Variants in G2E3 observed in about 807,000 individuals in gnomAD.
The protein encoded by G2E3 is G2/M phase-specific E3 ubiquitin-protein ligase.
Under a neutral mutation model 92.8 loss-of-function variants are expected in G2E3, and 35 were observed. The ratio of observed to expected loss-of-function variants is 0.38; its 90% CI spans 0.29 to 0.50. The LOEUF is 0.50. Ranked by LOEUF, G2E3 falls within the 20% of genes least tolerant of loss-of-function variation. G2E3 has a pLI of 0.94. For missense variants in G2E3, 554 were observed against 823.8 expected, an observed-to-expected ratio of 0.67 and a Z score of 4.01; for synonymous variants, 242 against 272.4, an observed-to-expected ratio of 0.89 and a Z score of 1.10.
At chr14:30,593,343 G>A (rs545708497) in intron 5 of G2E3, 131 bp from the exon 6 acceptor site, 2 of 544,602 alleles carry the variant, frequency 3.7e-6, no homozygotes, top group Admixed American at 3.8e-5. Context: ...TTAGTGCCAA[G>A]GCTCCAGTCT....
In G2E3 at chr14:30,605,539, C is replaced by G; in HGVS notation, c.1045C>G (p.Leu349Val). 1 of 1,437,628 alleles carries G rather than the reference C, an allele frequency of 7.0e-7. No homozygotes were observed. The highest frequency in any genetic ancestry group is 1.2e-5 in the South Asian group (1 of 80,846). The allele number at this position is 1,437,628 out of a possible 1,614,324, so 89.1% of individuals were successfully genotyped here. A position where few individuals can be genotyped will look rare whatever the true frequency, so the allele number is the denominator to read the frequency against. The part of the protein sequence containing the change: ...GSKFRRNVST[L>V]LIELGFQIKK... ...CAAATTTAGAAGAAATGTATCAACA[C>G]TATTAATAGAGTTAGGATTCCAAAT... The change falls in exon 11 of 15, where the codon CTA (leucine) becomes GTA (valine). Residue 349 changes from leucine to valine, a missense_variant. By Grantham distance (32) the Leu-to-Val change is conservative (BLOSUM62 1). Around this residue, in one of 3 missense-constraint regions of G2E3, gnomAD observed 397 missense variants for 560.3 expected, o/e 0.71. Transcript: ENST00000206595.
At chr14:30,597,942 T>A (rs1453250969) in intron 7 of G2E3, among the ~76,000 whole-genome samples, 1 of 152,270 alleles carries the variant, frequency 6.6e-6, no homozygotes, top group African/African-American at 2.4e-5. Context: ...AAATGTGTTA[T>A]AAAAAATTTC....
At chr14:30,607,852 G>A in intron 11 of G2E3, 36 bp from the exon 12 acceptor site, 1 of 1,092,356 alleles carries the variant, frequency 9.2e-7, no homozygotes, top group Admixed American at 2.3e-5. Flanking sequence ...TATAATAATA[G>A]AAGTGTATTT....
rs548151985 is a variant in G2E3 at position 30,605,680 on chromosome 14, A to G, written c.1186A>G (p.Ile396Val). 1.3e-4 allele frequency: 208 copies of G among 1,609,694 alleles called. No homozygotes were observed. In the South Asian group the frequency reaches 2.2e-3, roughly 17 times the overall value. Residue 396 changes from isoleucine to valine, a missense_variant, in exon 11 of 15, where the codon ATT becomes GTT. Ile to Val is a conservative substitution (Grantham distance 29). Around this residue, in one of 3 missense-constraint regions of G2E3, gnomAD observed 397 missense variants for 560.3 expected, o/e 0.71. Coordinates refer to ENST00000206595, the MANE Select transcript of G2E3 (RefSeq NM_017769.5). ...PSYAIEVAYVIENDNFGSEHP... is the reference protein window; with the variant it reads ...PSYAIEVAYVVENDNFGSEHP... ...ATATGCAATTGAAGTAGCATATGTTATTGAAAATGATAATTTTGGAAGTGA... is the reference window on the plus strand; with the variant it reads ...ATATGCAATTGAAGTAGCATATGTTGTTGAAAATGATAATTTTGGAAGTGA...
chr14:30,615,408 C>A lies in G2E3; in HGVS notation c.1733C>A (p.Ala578Glu), dbSNP rs745437632. 2.5e-6 allele frequency: 4 copies of A among 1,609,300 alleles called. No homozygotes were observed. The Admixed American group carries it at 6.7e-5, about 27-fold the overall frequency. The part of the protein sequence containing the change: ...VLEKIQAYPE[A>E]FCSILCHKPE... The stretch of plus-strand genomic sequence containing the variant: ...GAGAAAATTCAGGCTTATCCAGAAG[C>A]ATTTTGTAGCATCCTGTGTCATAAA... Residue 578 changes from alanine to glutamate, a missense_variant, in exon 14 of 15, where the codon GCA becomes GAA. Around this residue, in one of 3 missense-constraint regions of G2E3, gnomAD observed 397 missense variants for 560.3 expected, o/e 0.71. Transcript: ENST00000206595.
In G2E3 at chr14:30,587,417, G is replaced by T. The variant is rs369374564; in HGVS notation, c.135+602G>T. On this transcript the variant is annotated intron_variant, in intron 3 of 14. Transcript: ENST00000206595. ...TAGTGGCACATTACCACCTTAGCATGCCAGGCTTGCATTAGTACATACAGT... is the reference window on the plus strand; with the variant it reads ...TAGTGGCACATTACCACCTTAGCATTCCAGGCTTGCATTAGTACATACAGT... Among the ~76,000 whole-genome samples, 8 of 152,074 alleles carry T rather than the reference G, an allele frequency of 5.3e-5. No individual in the cohort carries two copies. In the South Asian group the frequency reaches 1.7e-3, roughly 32 times the overall value.
intron 3 of G2E3, among the ~76,000 whole-genome samples, chr14:30,588,700 T>G (rs1213264890): frequency 6.6e-6 from 1 of 152,176 alleles, no homozygotes; most frequent in Non-Finnish European, 1.5e-5. Flanking sequence ...GTTTGAGACA[T>G]TAATACTTGC....
At chr14:30,576,185 A>C (rs1880077386) in intron 1 of G2E3, among the ~76,000 whole-genome samples, 1 of 152,218 alleles carries the variant, frequency 6.6e-6, no homozygotes, top group Non-Finnish European at 1.5e-5. Flanking sequence ...AGACCAGTGG[A>C]ACAGAATACA....
intron 13 of G2E3, among the ~76,000 whole-genome samples, chr14:30,614,460 C>G (rs1882226053): frequency 6.6e-6 from 1 of 152,188 alleles, no homozygotes; most frequent in Non-Finnish European, 1.5e-5. Context: ...CGAAATCAGG[C>G]TGAACTTACC....
rs1566517825 is a variant in G2E3 at position 30,559,225 on chromosome 14, C to G, written c.-52C>G. The G allele has an allele frequency of 6.6e-6, 1 of 152,526 alleles. No individual in the cohort carries two copies. 9.4% of individuals were successfully genotyped at this position (152,526 alleles called of 1,614,324 possible). On this transcript the variant is annotated 5_prime_UTR_variant, in exon 1 of 15. Coordinates refer to ENST00000206595, the MANE Select transcript of G2E3 (RefSeq NM_017769.5). ...CGGCGTGCCCCGACGTACAGCGGGC[C>G]GGGAAAAGTGGCACTGAGGCTCTGG...
rs1482547592 is a variant in G2E3, at chr14:30,620,014, G to C, written c.*3480G>C. 2.0e-5 allele frequency: 3 copies of C among 152,142 alleles called. No homozygotes were observed. The highest frequency in any genetic ancestry group is 2.9e-5 in the Non-Finnish European group (2 of 68,010). The allele number at this position is 152,142 out of a possible 1,614,324, so 9.4% of individuals were successfully genotyped here. ...ATGAGGGAATCTGTGTTAAAACTAT[G>C]TATCCTCTAATGTAAAATAGCTTAC... On this transcript the variant is annotated 3_prime_UTR_variant, in exon 15 of 15. Transcript: ENST00000206595.
chr14:30,612,474 A>T (rs1882139730), intron 13 of G2E3, 95 bp downstream of exon 13: 1 of 812,262 alleles, frequency 1.2e-6, no homozygotes, highest in East Asian at 2.6e-5. Context: ...AATAAGTGAG[A>T]TGTTTTTCTC....
intron 1 of G2E3, among the ~76,000 whole-genome samples, chr14:30,576,841 AAATC>A (rs1401981545): frequency 3.3e-5 from 5 of 152,206 alleles, no homozygotes; most frequent in South Asian, 2.1e-4. Context: ...TAGATTAAAA[AAATC>A]AATCAATTTC....
intron 1 of G2E3, chr14:30,574,586 G>A (rs763863059): frequency 2.0e-5 from 3 of 151,950 alleles, no homozygotes; most frequent in South Asian, 4.1e-4. Flanking sequence ...ACCCTCCTGC[G>A]TCAGGTAGAC....
chr14:30,561,750 G>A (rs1219428511), intron 1 of G2E3, among the ~76,000 whole-genome samples: 1 of 152,000 alleles, frequency 6.6e-6, no homozygotes, highest in African/African-American at 2.4e-5. Flanking sequence ...AGAACAGTGA[G>A]TGTCATGATA....
At chr14:30,579,718 T>C (rs976751185) in intron 1 of G2E3, among the ~76,000 whole-genome samples, 4 of 152,242 alleles carry the variant, frequency 2.6e-5, no homozygotes, top group Non-Finnish European at 2.9e-5. Context: ...CACTCAGTTA[T>C]GGGTTAGTGT....
At chr14:30,609,038 C>T (rs1881966860) in intron 12 of G2E3, among the ~76,000 whole-genome samples, 1 of 152,174 alleles carries the variant, frequency 6.6e-6, no homozygotes, top group Non-Finnish European at 1.5e-5. Context: ...ACTCTTATAA[C>T]TACTATATGT....
intron 7 of G2E3, 165 bp from the exon 8 acceptor site, chr14:30,598,318 C>T (rs1055271743): frequency 1.8e-5 from 9 of 498,886 alleles, no homozygotes; most frequent in Non-Finnish European, 2.9e-5. Context: ...ACCCGGCAGG[C>T]GGAGGTTGCA....
Position 30,595,231 on chromosome 14 carries a change from A to C in G2E3, c.528+1592A>C, listed in dbSNP as rs1022089253. 1.1e-4 allele frequency among the ~76,000 whole-genome samples: 17 copies of C among 152,200 alleles called. 1 individual carries two copies. The highest frequency in any genetic ancestry group is 1.9e-4 in the African/African-American group (8 of 41,452). Reference sequence around the variant, plus strand: ...AGGTGTTTATAAAAGGATCCTAGAGAGTGCAGTTAATAAACAACATTGTGA... The same window carrying C: ...AGGTGTTTATAAAAGGATCCTAGAGCGTGCAGTTAATAAACAACATTGTGA... On this transcript the variant is annotated intron_variant, in intron 6 of 14. Transcript: ENST00000206595.
Sources: gnomAD v4.1 joint callset for allele counts (sites outside exome capture counted in the v4.1 genomes callset) on GRCh38, gnomAD v4.1.1 for gene constraint, gnomAD v4.1.1 regional missense constraint, MANE v1.5 for transcripts, NCBI Gene and HGNC (gene_info 2026-07-23, HGNC 2026-07-21) for gene names.